Variants in SLC9A6 observed in about 807,000 individuals in gnomAD.
SLC9A6 encodes solute carrier family 9 member A6, also known as sodium/hydrogen exchanger 6.
In SLC9A6, 6 loss-of-function variants were observed where a neutral mutation model predicts 45.3. The ratio of observed to expected loss-of-function variants is 0.13; its 90% CI spans 0.07 to 0.26. The LOEUF is 0.26. Among genes scored for constraint, SLC9A6 ranks in the 10% least tolerant of loss-of-function variants. The pLI is 1.00. For synonymous variants in SLC9A6, 191 were observed against 187.7 expected (o/e 1.02, Z -0.14); for missense variants, 278 against 503.7 (o/e 0.55, Z 4.29).
At chrX:136,026,540 C>CTT (rs1376477816) in intron 13 of SLC9A6, among the ~76,000 whole-genome samples, 3 of 102,540 alleles carry the variant, frequency 2.9e-5, no homozygotes, top group Admixed American at 1.1e-4. Context: ...CTCAGTGGTT[C>CTT]TTTTTTTTTT....
intron 16 of SLC9A6, among the ~76,000 whole-genome samples, chrX:136,036,078 G>A (rs1273361547): frequency 1.8e-5 from 2 of 111,118 alleles, no homozygotes; most frequent in Admixed American, 1.9e-4. Context: ...CTTTAAAACA[G>A]ACATTGCCAA....
At chrX:136,025,427 T>C (rs2071209711) in intron 13 of SLC9A6, among the ~76,000 whole-genome samples, 1 of 112,510 alleles carries the variant, frequency 8.9e-6, no homozygotes, top group African/African-American at 3.2e-5. Context: ...TTATAGATCC[T>C]GTCCTCCATT....
intron 2 of SLC9A6, among the ~76,000 whole-genome samples, chrX:135,988,468 C>CTCTCTCT: frequency 9.7e-6 from 1 of 103,135 alleles, no homozygotes; most frequent in Non-Finnish European, 2.0e-5. Context: ...TTCTTTCTTT[C>CTCTCTCT]TTTCTTTTCT....
chrX:136,023,892 C>CT (rs781986602), intron 12 of SLC9A6, among the ~76,000 whole-genome samples: 160 of 104,200 alleles, frequency 1.5e-3, no homozygotes, highest in Non-Finnish European at 1.7e-3. Context: ...TCTGTTTGTA[C>CT]TTTTTTTTTT....
intron 1 of SLC9A6, 58 bp downstream of exon 1, chrX:135,985,535 C>T (rs1460622692): frequency 1.7e-6 from 2 of 1,154,770 alleles, no homozygotes; most frequent in Non-Finnish European, 2.3e-6. Context: ...GGGCACCCCT[C>T]CGCCGTGGCG....
Position 136,043,075 on chromosome X carries a change from A to T in SLC9A6, c.1768-1377A>T, listed in dbSNP as rs782097634. ...CCCAAACCTCAAACTTAATAAAGAC[A>T]CTAGAAGGTGCTGAAGAGCCCCTGT... On this transcript the variant is annotated intron_variant, in intron 17 of 17. Coordinates refer to ENST00000630721, the MANE Select transcript of SLC9A6 (RefSeq NM_001379110.1). 2.7e-5 allele frequency among the ~76,000 whole-genome samples: 3 copies of T among 112,324 alleles called. No homozygotes were observed. In the South Asian group the frequency reaches 1.1e-3, roughly 42 times the overall value.
At chrX:136,023,009 C>A (rs1157823663) in intron 12 of SLC9A6, among the ~76,000 whole-genome samples, 3 of 104,294 alleles carry the variant, frequency 2.9e-5, no homozygotes, top group African/African-American at 1.1e-4. Flanking sequence ...TGGGGTTTCG[C>A]CATGTTGGCC....
intron 3 of SLC9A6, among the ~76,000 whole-genome samples, chrX:135,996,509 T>C (rs183306403): frequency 7.2e-5 from 8 of 111,747 alleles, no homozygotes; most frequent in Non-Finnish European, 7.5e-5. Context: ...CACATTCTAC[T>C]GCAGCCTTAT....
At position 135,988,504 on chromosome X, in the gene SLC9A6, TTCTTTCTTTCTCTC is replaced by T. The variant is rs1358127758; in HGVS notation, c.169+2703_169+2716del. 4.5e-3 allele frequency among the ~76,000 whole-genome samples: 486 copies of T among 108,166 alleles called. 1 individual carries two copies. The highest frequency in any genetic ancestry group is 7.4e-3 in the Non-Finnish European group (385 of 52,140). The allele number at this position is 108,166 out of a possible 115,157, so 93.9% of individuals were successfully genotyped here. ...TTCTTTCTTTCTTTCTTTCTTTTCT[TTCTTTCTTTCTCTC>T]TCTTTCTTTCTCTCTCTTTCTTTCT... On this transcript the variant is annotated intron_variant, in intron 2 of 17. Coordinates refer to ENST00000630721, the MANE Select transcript of SLC9A6 (RefSeq NM_001379110.1).
At chrX:136,026,372 C>T (rs782079579) in intron 13 of SLC9A6, among the ~76,000 whole-genome samples, 3 of 111,923 alleles carry the variant, frequency 2.7e-5, no homozygotes, top group Non-Finnish European at 3.8e-5. Context: ...TCATCTGTAA[C>T]ATGTATGTTA....
rs782002452 is a variant in SLC9A6 at position 136,024,217 on chromosome X, G to A, written c.1307-113G>A. 1.3e-4 allele frequency: 98 copies of A among 735,341 alleles called. No homozygotes were observed. The South Asian group carries it at 2.0e-3, about 15-fold the overall frequency. The allele number at this position is 735,341 out of a possible 1,213,427, so 60.6% of individuals were successfully genotyped here. A position where few individuals can be genotyped will look rare whatever the true frequency, so the allele number is the denominator to read the frequency against. ...ATATTTAAGTATGTTAATATTTACT[G>A]CATATTTGTTCACATGCTTCTAAGT... On this transcript the variant is annotated intron_variant, in intron 12 of 17. Coordinates refer to ENST00000630721, the MANE Select transcript of SLC9A6 (RefSeq NM_001379110.1).
At chrX:135,990,046 C>T (rs2089405823) in intron 2 of SLC9A6, among the ~76,000 whole-genome samples, 2 of 111,489 alleles carry the variant, frequency 1.8e-5, no homozygotes, top group East Asian at 2.8e-4. Context: ...AGTGCAGTGG[C>T]GCTATCTCGG....
intron 6 of SLC9A6, among the ~76,000 whole-genome samples, chrX:136,000,359 C>T (rs1431334939): frequency 9.4e-6 from 1 of 106,437 alleles, no homozygotes; most frequent in Admixed American, 1.0e-4. Context: ...AATTAAATTG[C>T]TTCCTTAAAG....
chrX:136,042,676 A>G (rs1479059127), intron 17 of SLC9A6, among the ~76,000 whole-genome samples: 1 of 111,838 alleles, frequency 8.9e-6, no homozygotes, highest in Non-Finnish European at 1.9e-5. Flanking sequence ...TTGCAAATAA[A>G]TATGTGTATA....
In SLC9A6 at chrX:135,985,802, C is replaced by T. The variant is rs782461323; in HGVS notation, c.144C>T (p.His48=). The change falls in exon 2 of 18, where the codon CAC becomes CAT. Residue 48 remains histidine (H), a synonymous_variant. Coordinates refer to ENST00000630721, the MANE Select transcript of SLC9A6 (RefSeq NM_001379110.1). ...AGCACCGCCGGGCCCGCTTCCTGCA[C>T]GAAACCGGCCTGGCTATGATTTATG... ...LFKHRRARFL[H]ETGLAMIYGL... is the part of the protein sequence containing the mutation. The T allele has an allele frequency of 2.0e-5, 24 of 1,209,658 alleles. No homozygotes were observed. Among genetic ancestry groups the T allele is most frequent in the Non-Finnish European group, 2.7e-5 (24 of 895,121 alleles).
At chrX:135,977,694 C>T (rs1256162463) in intron 1 of SLC9A6, among the ~76,000 whole-genome samples, 1 of 111,142 alleles carries the variant, frequency 9.0e-6, no homozygotes, top group African/African-American at 3.3e-5. Context: ...ATATTGAAAT[C>T]GCATCCTGTT....
upstream of SLC9A6, among the ~76,000 whole-genome samples, chrX:135,984,947 T>C (rs2089308270): frequency 9.0e-6 from 1 of 111,061 alleles, no homozygotes; most frequent in African/African-American, 3.3e-5. Flanking sequence ...TTTGAGTCGA[T>C]TGTTTTATGA....
At chrX:135,974,756 C>T (rs1342847452) in exon 1 of SLC9A6, 1 of 337,749 alleles carries the variant, frequency 3.0e-6, no homozygotes, top group Non-Finnish European at 5.9e-6. Context: ...ACTTGGCTCG[C>T]GGGAAGTGCT....
intron 11 of SLC9A6, among the ~76,000 whole-genome samples, chrX:136,021,951 G>A (rs962645276): frequency 8.9e-6 from 1 of 112,133 alleles, no homozygotes; most frequent in Admixed American, 9.4e-5. Context: ...CAGCAAACTG[G>A]AGAAAAAGAT....
Sources: allele counts gnomAD v4.1 joint callset (sites outside exome capture counted in the v4.1 genomes callset), GRCh38; gene constraint gnomAD v4.1.1; transcripts MANE v1.5; gene names NCBI Gene and HGNC (gene_info 2026-07-23, HGNC 2026-07-21).